PPFIBP1: variants seen among roughly 807,000 people sequenced by gnomAD.
The protein encoded by PPFIBP1 is liprin-beta-1.
A neutral mutation model predicts 137.8 loss-of-function variants in PPFIBP1; 112 were observed. That is an observed-to-expected ratio of 0.81 (90% confidence interval 0.70 to 0.95). The LOEUF is 0.95. PPFIBP1 is among the 40% of genes least tolerant of loss of function. PPFIBP1 has a pLI of 0.00. For synonymous variants in PPFIBP1, 378 were observed against 417.3 expected (o/e 0.91, Z 1.15); for missense variants, 1,083 against 1,196.6 (o/e 0.91, Z 1.40).
chr12:27,615,786 C>T lies in PPFIBP1; in HGVS notation c.-35-17576C>T, dbSNP rs191184029. 3.1e-3 allele frequency among the ~76,000 whole-genome samples: 473 copies of T among 152,240 alleles called. 1 individual carries two copies. Among genetic ancestry groups the T allele is most frequent in the African/African-American group, 0.011 (448 of 41,538 alleles). On this transcript the variant is annotated intron_variant, in intron 2 of 29. Coordinates refer to ENST00000228425, the MANE Select transcript of PPFIBP1 (RefSeq NM_003622.4). ...AGGGAAGAAAATGGTGTCCACAGGG[C>T]AGGGTCAGGGACCAGCCACACTCCA...
At chr12:27,644,615 C>A (rs1436409803) in intron 4 of PPFIBP1, among the ~76,000 whole-genome samples, 1 of 152,040 alleles carries the variant, frequency 6.6e-6, no homozygotes, top group Non-Finnish European at 1.5e-5. Flanking sequence ...AAGTTGTGCA[C>A]AATTTATTTT....
At chr12:27,682,267 T>A (rs2060921478) in intron 22 of PPFIBP1, 120 bp from the exon 23 acceptor site, 2 of 729,922 alleles carry the variant, frequency 2.7e-6, no homozygotes, top group African/African-American at 3.5e-5. Context: ...AAGTTGGGAT[T>A]GTAATTCAGT....
Position 27,692,936 on chromosome 12 carries a change from T to C in PPFIBP1, c.*54T>C, listed in dbSNP as rs567347967. 6.2e-7 allele frequency: 1 copy of C among 1,605,248 alleles called. No individual in the cohort carries two copies. The highest frequency in any genetic ancestry group is 2.2e-5 in the East Asian group (1 of 44,778). On this transcript the variant is annotated 3_prime_UTR_variant, in exon 30 of 30. Coordinates refer to ENST00000228425, the MANE Select transcript of PPFIBP1 (RefSeq NM_003622.4). ...GCTTAGTCTTTTTTCTACTTGCTTT[T>C]CCAAACACTCACAGTATATACAACA...
At chr12:27,531,169 C>G (rs1944374496) in intron 1 of PPFIBP1, among the ~76,000 whole-genome samples, 1 of 152,154 alleles carries the variant, frequency 6.6e-6, no homozygotes, top group Non-Finnish European at 1.5e-5. Flanking sequence ...CCTGGCTTTG[C>G]TATTTATTAC....
intron 2 of PPFIBP1, among the ~76,000 whole-genome samples, chr12:27,611,136 T>G (rs2055062934): frequency 6.6e-6 from 1 of 152,216 alleles, no homozygotes; most frequent in Non-Finnish European, 1.5e-5. Context: ...TTGAATTTCA[T>G]TACTGGGGCA....
At chr12:27,581,486 A>G (rs1183577879) in intron 2 of PPFIBP1, among the ~76,000 whole-genome samples, 1 of 152,078 alleles carries the variant, frequency 6.6e-6, no homozygotes, top group African/African-American at 2.4e-5. Flanking sequence ...TCATCACTCC[A>G]CCCTGTAGTG....
chr12:27,524,245 G>A lies in PPFIBP1; in HGVS notation c.-244G>A. 1 of 153,620 alleles carries A rather than the reference G, an allele frequency of 6.5e-6. No homozygotes were observed. The highest frequency in any genetic ancestry group is 1.4e-5 in the Non-Finnish European group (1 of 69,098). The allele number at this position is 153,620 out of a possible 1,614,324, so 9.5% of individuals were successfully genotyped here. A position where few individuals can be genotyped will look rare whatever the true frequency, so the allele number is the denominator to read the frequency against. On this transcript the variant is annotated 5_prime_UTR_variant, in exon 1 of 30. Transcript: ENST00000228425. ...GTGTAGTGCAGGCAGGGTGGGGAAA[G>A]GACGGGGAAGGACTCGTGTGCTGCG... is the stretch of plus-strand genomic sequence containing the variant.
intron 29 of PPFIBP1, 25 bp downstream of exon 29, chr12:27,692,681 A>G: frequency 1.2e-6 from 2 of 1,614,056 alleles, no homozygotes; most frequent in Non-Finnish European, 1.7e-6. Context: ...TGAATTGAAA[A>G]TGTTATTCTA....
intron 2 of PPFIBP1, chr12:27,594,051 G>T (rs2052880119): frequency 8.4e-6 from 11 of 1,307,676 alleles, no homozygotes; most frequent in Non-Finnish European, 1.1e-5. Flanking sequence ...GAGTTCAAAG[G>T]CACAAATCTC....
At chr12:27,664,061 G>C (rs1028254828) in intron 11 of PPFIBP1, among the ~76,000 whole-genome samples, 1 of 151,950 alleles carries the variant, frequency 6.6e-6, no homozygotes, top group Non-Finnish European at 1.5e-5. Context: ...ACCTTGTTTT[G>C]TTTTTGTTTG....
At chr12:27,666,711 G>GT (rs1284184913) in intron 12 of PPFIBP1, among the ~76,000 whole-genome samples, 2 of 152,108 alleles carry the variant, frequency 1.3e-5, no homozygotes, top group Non-Finnish European at 2.9e-5. Context: ...GTTCTCCTAT[G>GT]TTTTTTCAAG....
chr12:27,614,774 G>T (rs188823011), intron 2 of PPFIBP1, among the ~76,000 whole-genome samples: 8 of 152,140 alleles, frequency 5.3e-5, no homozygotes, highest in South Asian at 2.1e-4. Flanking sequence ...CAGGTTTTAC[G>T]TCAACAAAGA....
At chr12:27,653,561 T>C (rs1304927875) in intron 7 of PPFIBP1, among the ~76,000 whole-genome samples, 4 of 135,542 alleles carry the variant, frequency 3.0e-5, no homozygotes, top group Non-Finnish European at 6.1e-5. Flanking sequence ...CACTCCAGCC[T>C]GGGTGACAGA....
intron 15 of PPFIBP1, 85 bp downstream of exon 15, chr12:27,672,568 C>A: frequency 2.0e-6 from 2 of 1,006,104 alleles, no homozygotes; most frequent in Admixed American, 2.2e-5. Flanking sequence ...CTAATATTAA[C>A]AGCAAATGAC....
intron 2 of PPFIBP1, among the ~76,000 whole-genome samples, chr12:27,593,040 G>A (rs1241702497): frequency 2.0e-5 from 3 of 146,654 alleles, no homozygotes; most frequent in African/African-American, 7.6e-5. Flanking sequence ...GTTGAGGCAG[G>A]AGAATCACTT....
At chr12:27,612,171 T>G (rs578171077) in intron 2 of PPFIBP1, among the ~76,000 whole-genome samples, 1 of 152,136 alleles carries the variant, frequency 6.6e-6, no homozygotes, top group Non-Finnish European at 1.5e-5. Context: ...AGGGATGCCG[T>G]CAGAGGTACA....
chr12:27,650,237 C>T, intron 7 of PPFIBP1, 96 bp downstream of exon 7: 1 of 1,115,646 alleles, frequency 9.0e-7, no homozygotes, highest in Non-Finnish European at 1.2e-6. Flanking sequence ...TTGAAATTCC[C>T]TGGAGGTGTG....
Position 27,672,438 on chromosome 12 carries a change from T to C in PPFIBP1, c.1274T>C (p.Ile425Thr). The C allele has an allele frequency of 1.2e-6, 2 of 1,607,728 alleles. No homozygotes were observed. The highest frequency in any genetic ancestry group is 8.5e-7 in the Non-Finnish European group (1 of 1,174,732). ...ETSFEENDGN[I>T]ILGATVDTQL... ...TCTTTACATTTTAGTGATGGAAACA[T>C]AATCCTTGGTGCCACTGTTGATACC... The change falls in exon 15 of 30, where the codon ATA (isoleucine) becomes ACA (threonine). Residue 425 changes from isoleucine (I) to threonine (T), a missense_variant. Coordinates refer to ENST00000228425, the MANE Select transcript of PPFIBP1 (RefSeq NM_003622.4).
In PPFIBP1 at chr12:27,679,142, A is replaced by G. The variant is rs145503260; in HGVS notation, c.1616-347A>G. Among the ~76,000 whole-genome samples, 618 of 152,276 alleles carry G rather than the reference A, an allele frequency of 4.1e-3. 5 individuals are homozygous for G. Among genetic ancestry groups the G allele is most frequent in the African/African-American group, 0.014 (591 of 41,550 alleles). ...GGAGAGTGGTCATGTCAAGAAGCAA[A>G]AGGAGATGATTTTGAAGGATGTAGC... On this transcript the variant is annotated intron_variant, in intron 19 of 29. Transcript: ENST00000228425.
Sources: allele counts gnomAD v4.1 joint callset (sites outside exome capture counted in the v4.1 genomes callset), GRCh38; gene constraint gnomAD v4.1.1; transcripts MANE v1.5; gene names NCBI Gene and HGNC (gene_info 2026-07-23, HGNC 2026-07-21).